MAPKAPK5: variants seen among roughly 807,000 people sequenced by gnomAD.
MAPKAPK5 encodes the protein MAP kinase-activated protein kinase 5.
MAPKAPK5 carries 30 observed loss-of-function variants against 65.1 expected under a neutral mutation model. The observed-to-expected ratio is 0.46, with a 90% CI of 0.34 to 0.63. MAPKAPK5 has a LOEUF of 0.63. Ranked by LOEUF, MAPKAPK5 falls within the 20% of genes least tolerant of loss-of-function variation. The pLI, the probability that MAPKAPK5 is intolerant of heterozygous loss-of-function variation, is 0.01. For missense variants in MAPKAPK5, 433 were observed against 581.4 expected, an observed-to-expected ratio of 0.74 and a Z score of 2.63; for synonymous variants, 179 against 204.6, an observed-to-expected ratio of 0.87 and a Z score of 1.07.
In MAPKAPK5 at chr12:111,885,968, C is replaced by T. The variant is rs746425611; in HGVS notation, c.901C>T (p.His301Tyr). The change falls in exon 10 of 14, where the codon CAC (histidine) becomes TAC (tyrosine). Residue 301 changes from histidine (H) to tyrosine (Y), a missense_variant. By Grantham distance (83) the His-to-Tyr change is moderately conservative. Transcript: ENST00000550735. The part of the protein sequence containing the change: ...ERLTIEGVLD[H>Y]PWLNSTEALD... The stretch of plus-strand genomic sequence containing the variant: ...ACTCACCATCGAGGGAGTGCTGGAC[C>T]ACCCCTGGCTCAATTCCACCGAGGC... The T allele has an allele frequency of 3.1e-6, 5 of 1,613,872 alleles. No individual in the cohort carries two copies. Among genetic ancestry groups the T allele is most frequent in the Non-Finnish European group, 4.2e-6 (5 of 1,179,842 alleles).
rs2071031951 is a variant in MAPKAPK5, at chr12:111,901,015, A to T, written c.*7954A>T. On this transcript the variant is annotated 3_prime_UTR_variant, in exon 14 of 14. Transcript: ENST00000550735. ...GGGTCACAATATGTTCGGTGTTCAG[A>T]TGGTAATATATTTTGTGGGAAACTT... The T allele has an allele frequency of 2.2e-6, 1 of 455,960 alleles. No homozygotes were observed. Among genetic ancestry groups the T allele is most frequent in the Admixed American group, 2.3e-5 (1 of 42,554 alleles). 28.2% of individuals were successfully genotyped at this position (455,960 alleles called of 1,614,324 possible).
chr12:111,868,361 G>T (rs11066054), intron 4 of MAPKAPK5, among the ~76,000 whole-genome samples: 29,677 of 152,096 alleles, frequency 0.2, 3,103 homozygotes, highest in Middle Eastern at 0.27. Context: ...GGGAGGAGAG[G>T]TGTCTCACAA....
chr12:111,867,103 T>G (rs2069640055), intron 3 of MAPKAPK5, among the ~76,000 whole-genome samples: 1 of 152,026 alleles, frequency 6.6e-6, no homozygotes, highest in Non-Finnish European at 1.5e-5. Context: ...CTAATTTTGT[T>G]TGTATTTTTT....
At position 111,885,989 on chromosome 12, in the gene MAPKAPK5, G is replaced by C; in HGVS notation, c.922G>C (p.Glu308Gln). Residue 308 changes from glutamate to glutamine, a missense_variant, in exon 10 of 14, where the codon GAG becomes CAG. By Grantham distance (29) the Glu-to-Gln change is conservative (BLOSUM62 2). Coordinates refer to ENST00000550735, the MANE Select transcript of MAPKAPK5 (RefSeq NM_003668.4). ...VLDHPWLNST[E>Q]ALDNVLPSAQ... ...GGACCACCCCTGGCTCAATTCCACC[G>C]AGGCCCTGGATAATGTGCTGCCTTC... is the stretch of plus-strand genomic sequence containing the variant. 3.1e-6 allele frequency: 5 copies of C among 1,613,972 alleles called. No homozygotes were observed. Among genetic ancestry groups the C allele is most frequent in the Non-Finnish European group, 4.2e-6 (5 of 1,179,878 alleles).
chr12:111,852,367 G>T (rs1274563849), intron 1 of MAPKAPK5, among the ~76,000 whole-genome samples: 2 of 152,008 alleles, frequency 1.3e-5, no homozygotes, highest in Non-Finnish European at 2.9e-5. Context: ...CTTTCCCTCA[G>T]TCTACTCATC....
At position 111,842,705 on chromosome 12, in the gene MAPKAPK5, C is replaced by T; in HGVS notation, c.-29C>T. ...GACAGGGCTGCTGAGCAGCCTCCGC[C>T]TCTCCCGGCTGTGGGGGCCCCACTG... On this transcript the variant is annotated 5_prime_UTR_variant, in exon 1 of 14. Transcript: ENST00000550735. 1 of 1,370,288 alleles carries T rather than the reference C, an allele frequency of 7.3e-7. No individual in the cohort carries two copies. Among genetic ancestry groups the T allele is most frequent in the South Asian group, 2.1e-5 (1 of 46,686 alleles). The allele number at this position is 1,370,288 out of a possible 1,614,324, so 84.9% of individuals were successfully genotyped here. A position where few individuals can be genotyped will look rare whatever the true frequency, so the allele number is the denominator to read the frequency against.
intron 9 of MAPKAPK5, among the ~76,000 whole-genome samples, chr12:111,884,175 G>T (rs978037085): frequency 1.3e-5 from 2 of 152,150 alleles, no homozygotes; most frequent in Non-Finnish European, 2.9e-5. Context: ...GGTTATGTGG[G>T]TTTGTCAGGC....
rs900180178 is a variant in MAPKAPK5 at position 111,883,615 on chromosome 12, A to G, written c.695A>G (p.Tyr232Cys). 1 of 1,613,800 alleles carries G rather than the reference A, an allele frequency of 6.2e-7. No homozygotes were observed. Among genetic ancestry groups the G allele is most frequent in the Non-Finnish European group, 8.5e-7 (1 of 1,179,836 alleles). The change falls in exon 9 of 14, where the codon TAT (tyrosine) becomes TGT (cysteine). Residue 232 changes from tyrosine (Y) to cysteine (C), a missense_variant. Around this residue, in one of 3 missense-constraint regions of MAPKAPK5, gnomAD observed 99 missense variants for 185.8 expected, o/e 0.53. Transcript: ENST00000550735. This position sits in a 1 kb window ranked among gnomAD's most constrained non-coding sequence, Gnocchi z 4.8. The part of the protein sequence containing the change: ...CDLWSLGVII[Y>C]VMLCGYPPFY... The stretch of plus-strand genomic sequence containing the variant: ...TTGTGGTCCCTAGGGGTGATTATCT[A>G]TGTGATGCTGTGCGGATACCCTCCT...
intron 4 of MAPKAPK5, among the ~76,000 whole-genome samples, chr12:111,868,477 A>C (rs974518669): frequency 2.0e-5 from 3 of 152,228 alleles, no homozygotes; most frequent in Non-Finnish European, 4.4e-5. Flanking sequence ...TGGGAAAAAA[A>C]CGCTTATTTT....
intron 12 of MAPKAPK5, chr12:111,889,602 C>T (rs2070534165): frequency 5.9e-6 from 1 of 168,314 alleles, no homozygotes; most frequent in Non-Finnish European, 1.3e-5. Flanking sequence ...GGCCAGAAAA[C>T]AGTTGGGTTG....
At chr12:111,854,037 A>T (rs1390103508) in intron 1 of MAPKAPK5, among the ~76,000 whole-genome samples, 1 of 152,124 alleles carries the variant, frequency 6.6e-6, no homozygotes. Flanking sequence ...AATCATTCTT[A>T]CATGTTGCTA....
At chr12:111,845,131 A>G (rs1321357077) in intron 1 of MAPKAPK5, among the ~76,000 whole-genome samples, 3 of 151,860 alleles carry the variant, frequency 2.0e-5, no homozygotes, top group African/African-American at 7.2e-5. Context: ...ATCTCACCCT[A>G]TGTTTTTTTT....
rs896147747 is a variant in MAPKAPK5, at chr12:111,845,368, C to T, written c.36+2599C>T. 2.6e-5 allele frequency among the ~76,000 whole-genome samples: 4 copies of T among 152,022 alleles called. No homozygotes were observed. In the South Asian group the frequency reaches 8.3e-4, roughly 32 times the overall value. The stretch of plus-strand genomic sequence containing the variant: ...ATGGGGTTTCACCATGTTGGCCAGG[C>T]TGGTCTCGAACTCCTGACCTCAGGT... On this transcript the variant is annotated intron_variant, in intron 1 of 13. Transcript: ENST00000550735.
chr12:111,862,136 C>G (rs2069460614), intron 1 of MAPKAPK5, among the ~76,000 whole-genome samples: 1 of 152,140 alleles, frequency 6.6e-6, no homozygotes, highest in Non-Finnish European at 1.5e-5. Context: ...CGTGGGCAAT[C>G]TAGTTGAAAG....
At chr12:111,857,647 T>C (rs1489851826) in intron 1 of MAPKAPK5, among the ~76,000 whole-genome samples, 3 of 152,208 alleles carry the variant, frequency 2.0e-5, no homozygotes, top group East Asian at 1.9e-4. Flanking sequence ...GTGAATTCTT[T>C]CAGTGTTTAT....
chr12:111,842,916 C>G (rs757263920), intron 1 of MAPKAPK5, 147 bp downstream of exon 1: 1 of 724,750 alleles, frequency 1.4e-6, no homozygotes, highest in South Asian at 7.1e-5. Context: ...TCGCGCTTTA[C>G]AGCCCTGGGG....
Position 111,901,497 on chromosome 12 carries a change from A to T in MAPKAPK5, c.*8436A>T, listed in dbSNP as rs76932235. On this transcript the variant is annotated 3_prime_UTR_variant, in exon 14 of 14. Coordinates refer to ENST00000550735, the MANE Select transcript of MAPKAPK5 (RefSeq NM_003668.4). Reference sequence around the variant, plus strand: ...ATTATCATTCATTATACTTTTTATAATATTATTATTAAGTACAATTATTTG... The same window carrying T: ...ATTATCATTCATTATACTTTTTATATTATTATTATTAAGTACAATTATTTG... 9.4e-6 allele frequency: 4 copies of T among 425,750 alleles called. No individual in the cohort carries two copies. The highest frequency in any genetic ancestry group is 1.5e-4 in the East Asian group (2 of 13,788). The allele number at this position is 425,750 out of a possible 1,614,324, so 26.4% of individuals were successfully genotyped here.
At chr12:111,889,733 G>T in intron 12 of MAPKAPK5, 1 of 252,226 alleles carries the variant, frequency 4.0e-6, no homozygotes, top group Non-Finnish European at 7.9e-6. Flanking sequence ...CCCACTTTTT[G>T]GTCTTTGGTT....
intron 1 of MAPKAPK5, among the ~76,000 whole-genome samples, chr12:111,845,978 T>C (rs939447579): frequency 1.3e-5 from 2 of 152,208 alleles, no homozygotes; most frequent in Admixed American, 1.3e-4. Context: ...TCATAGCAAC[T>C]TAAGGGTGCT....
Sources: allele counts gnomAD v4.1 joint callset (sites outside exome capture counted in the v4.1 genomes callset), GRCh38; gene constraint gnomAD v4.1.1; regional missense constraint gnomAD v4.1.1; non-coding constraint Gnocchi (gnomAD v3.1); transcripts MANE v1.5; gene names NCBI Gene and HGNC (gene_info 2026-07-23, HGNC 2026-07-21).